The following CENPC variants were observed in gnomAD, a reference collection of about 807,000 sequenced individuals.
CENPC encodes the protein centromere protein C.
In CENPC, 63 loss-of-function variants were observed where a neutral mutation model predicts 112.1. The observed-to-expected ratio is 0.56, with a 90% CI of 0.46 to 0.69. The LOEUF (loss-of-function observed/expected upper bound fraction) is 0.69. CENPC is among the 30% of genes least tolerant of loss of function. The pLI is 0.00. For synonymous variants in CENPC, 333 were observed against 367.6 expected (o/e 0.91, Z 1.08); for missense variants, 1,000 against 1,103.8 (o/e 0.91, Z 1.33).
At chr4:67,486,678 C>G (rs1284201223) in intron 17 of CENPC, among the ~76,000 whole-genome samples, 4 of 152,156 alleles carry the variant, frequency 2.6e-5, no homozygotes, top group Non-Finnish European at 4.4e-5. Flanking sequence ...CTTACAGGGC[C>G]TTACCTACAG....
chr4:67,485,386 A>G (rs922072072), intron 17 of CENPC, among the ~76,000 whole-genome samples: 1 of 152,188 alleles, frequency 6.6e-6, no homozygotes, highest in Non-Finnish European at 1.5e-5. Flanking sequence ...ACTAAAATAA[A>G]CAGCATAAGG....
intron 5 of CENPC, among the ~76,000 whole-genome samples, chr4:67,526,266 T>C (rs355492): frequency 0.63 from 95,639 of 151,630 alleles, 30,397 homozygotes; most frequent in East Asian, 0.81. Flanking sequence ...AGCAAACCAC[T>C]ATGGCACAGG....
intron 4 of CENPC, among the ~76,000 whole-genome samples, chr4:67,539,600 G>A (rs1342082330): frequency 6.6e-6 from 1 of 152,058 alleles, no homozygotes; most frequent in Non-Finnish European, 1.5e-5. Flanking sequence ...ATTATTTTAG[G>A]AGAAGTGAAA....
intron 4 of CENPC, among the ~76,000 whole-genome samples, chr4:67,537,532 C>G (rs1336165178): frequency 6.6e-6 from 1 of 152,176 alleles, no homozygotes; most frequent in South Asian, 2.1e-4. Flanking sequence ...GTGGCTCACA[C>G]CTGTAATCCC....
chr4:67,507,058 G>T, intron 10 of CENPC, 124 bp from the exon 11 acceptor site: 1 of 633,456 alleles, frequency 1.6e-6, no homozygotes, highest in Non-Finnish European at 2.5e-6. Context: ...AGATCACCCT[G>T]TTCAGGTTCT....
rs529343460 is a variant in CENPC, at chr4:67,539,632, A to T, written c.231+208T>A. On this transcript the variant is annotated intron_variant, in intron 4 of 18. Coordinates refer to ENST00000273853, the MANE Select transcript of CENPC (RefSeq NM_001812.4). ...GAAAAATGTTTATTATAATTTGATA[A>T]TTCTAATTCCCATAATCCCAATTCC... Among the ~76,000 whole-genome samples the T allele has an allele frequency of 3.1e-4, 47 of 152,298 alleles. No individual in the cohort carries two copies. The South Asian group carries it at 9.3e-3, about 30-fold the overall frequency.
At position 67,527,493 on chromosome 4, in the gene CENPC, C is replaced by CTTTT. The variant is rs11317672; in HGVS notation, c.331+3318_331+3321dup. Among the ~76,000 whole-genome samples, 18 of 68,116 alleles carry CTTTT rather than the reference C, an allele frequency of 2.6e-4. 1 individual carries two copies. The highest frequency in any genetic ancestry group is 3.6e-4 in the Non-Finnish European group (14 of 38,988). The allele number at this position is 68,116 out of a possible 152,430, so 44.7% of individuals were successfully genotyped here. On this transcript the variant is annotated intron_variant, in intron 5 of 18. Coordinates refer to ENST00000273853, the MANE Select transcript of CENPC (RefSeq NM_001812.4). Reference sequence around the variant, plus strand: ...ACAACGCTAGAATTTTCACCCCATCCTTTTTTTTTTTTTTTTTTTTTTTTT... The same window carrying CTTTT: ...ACAACGCTAGAATTTTCACCCCATCCTTTTTTTTTTTTTTTTTTTTTTTTTTTTT...
chr4:67,519,554 A>C, intron 5 of CENPC, 52 bp from the exon 6 acceptor site: 1 of 1,199,186 alleles, frequency 8.3e-7, no homozygotes, highest in Non-Finnish European at 1.1e-6. Context: ...TAATAAGAGA[A>C]TCAAGCAGGC....
At chr4:67,506,612 G>A (rs1725739306) in intron 11 of CENPC, among the ~76,000 whole-genome samples, 176 bp downstream of exon 11, 1 of 152,144 alleles carries the variant, frequency 6.6e-6, no homozygotes, top group Non-Finnish European at 1.5e-5. Context: ...TACCTCCTGA[G>A]AATATCCGAG....
Position 67,508,853 on chromosome 4 carries a change from T to C in CENPC, c.1865A>G (p.Glu622Gly). ...CSLSEPLESD[E>G]ADLAKKKNLD... ...ATTTTTCTTCTTAGCCAAGTCTGCC[T>C]CATCACTTTCCAATGGCTCACTCAG... The change falls in exon 10 of 19, where the codon GAG (glutamate) becomes GGG (glycine). Residue 622 changes from glutamate (E) to glycine (G), a missense_variant. By Grantham distance (98) the Glu-to-Gly change is moderately conservative (BLOSUM62 -2). Coordinates refer to ENST00000273853, the MANE Select transcript of CENPC (RefSeq NM_001812.4). The C allele has an allele frequency of 1.2e-6, 2 of 1,613,556 alleles. No individual in the cohort carries two copies. Among genetic ancestry groups the C allele is most frequent in the Non-Finnish European group, 1.7e-6 (2 of 1,179,690 alleles).
rs1416271352 is a variant in CENPC at position 67,514,477 on chromosome 4, T to C, written c.1041A>G (p.Arg347=). 1 of 1,613,510 alleles carries C rather than the reference T, an allele frequency of 6.2e-7. No individual in the cohort carries two copies. The highest frequency in any genetic ancestry group is 8.5e-7 in the Non-Finnish European group (1 of 1,179,828). Residue 347 remains arginine, a synonymous_variant, in exon 8 of 19, where the codon AGA becomes AGG. Coordinates refer to ENST00000273853, the MANE Select transcript of CENPC (RefSeq NM_001812.4). ...STALLQGRKS[R]EKHHNILPKT... ...TAGGTAATATATTATGATGCTTTTC[T>C]CTTGACTTTCTACCTTGAAGGAGTG...
rs1313696680 is a variant in CENPC at position 67,539,878 on chromosome 4, T to C, written c.193A>G (p.Lys65Glu). ...STKSVPNSTR[K>E]IKDTCIQSPS... is the part of the protein sequence containing the mutation. ...GACTGAATACAAGTGTCTTTTATTT[T>C]GCGTGTTGAATTAGGCACTGATTTT... Residue 65 changes from lysine to glutamate, a missense_variant, in exon 4 of 19, where the codon AAA becomes GAA. Transcript: ENST00000273853. 6.5e-6 allele frequency: 10 copies of C among 1,536,684 alleles called. No homozygotes were observed. Among genetic ancestry groups the C allele is most frequent in the Non-Finnish European group, 8.7e-6 (10 of 1,143,718 alleles).
At position 67,468,824 on chromosome 4, in the gene CENPC, T is replaced by C. The variant is rs1216676353; in HGVS notation, c.*3781A>G. ...GTCATCCATACTAGAGAATACCACT[T>C]AGCAATAAAAAAGAAATGAGCTATT... On this transcript the variant is annotated 3_prime_UTR_variant, in exon 19 of 19. Transcript: ENST00000273853. 6.6e-6 allele frequency: 1 copy of C among 152,210 alleles called. No individual in the cohort carries two copies. Among genetic ancestry groups the C allele is most frequent in the South Asian group, 2.1e-4 (1 of 4,834 alleles). 9.4% of individuals were successfully genotyped at this position (152,210 alleles called of 1,614,324 possible).
chr4:67,498,200 A>C (rs1360362132), intron 12 of CENPC, among the ~76,000 whole-genome samples: 1 of 152,130 alleles, frequency 6.6e-6, no homozygotes, highest in African/African-American at 2.4e-5. Flanking sequence ...ACACCACTGC[A>C]CTCCAGCCTG....
intron 17 of CENPC, among the ~76,000 whole-genome samples, chr4:67,484,466 C>T (rs558727265): frequency 4.6e-5 from 7 of 152,288 alleles, no homozygotes; most frequent in Non-Finnish European, 7.4e-5. Flanking sequence ...GTAAGCAGCA[C>T]GCCAGTGAGT....
intron 17 of CENPC, among the ~76,000 whole-genome samples, chr4:67,475,992 A>G (rs1724794970): frequency 1.3e-5 from 2 of 152,214 alleles, no homozygotes. Flanking sequence ...TAAGGTTACA[A>G]TGGCATTTAA....
chr4:67,494,480 T>G lies in CENPC; in HGVS notation c.2186-492A>C, dbSNP rs192042403. ...CATCATTTCACCCCAAGACAAGCAT[T>G]AAGTATTGAGAGGTATAGCAGTCTC... is the stretch of plus-strand genomic sequence containing the variant. On this transcript the variant is annotated intron_variant, in intron 13 of 18. Coordinates refer to ENST00000273853, the MANE Select transcript of CENPC (RefSeq NM_001812.4). Among the ~76,000 whole-genome samples the G allele has an allele frequency of 3.0e-4, 46 of 152,236 alleles. No homozygotes were observed. In the East Asian group the frequency reaches 5.6e-3, roughly 19 times the overall value.
intron 4 of CENPC, among the ~76,000 whole-genome samples, chr4:67,537,319 T>A (rs1303695895): frequency 6.6e-6 from 1 of 152,180 alleles, no homozygotes; most frequent in Non-Finnish European, 1.5e-5. Flanking sequence ...TTCAATGAAA[T>A]ATACACGCAA....
At position 67,523,510 on chromosome 4, in the gene CENPC, G is replaced by A. The variant is rs559079277; in HGVS notation, c.332-4008C>T. 3.9e-5 allele frequency among the ~76,000 whole-genome samples: 6 copies of A among 152,234 alleles called. No individual in the cohort carries two copies. The South Asian group carries it at 1.2e-3, about 32-fold the overall frequency. ...CGCCCAGTTTCTCATTCATGTAATG[G>A]GAGTTTACAGATAAGCAAGAGGAGG... On this transcript the variant is annotated intron_variant, in intron 5 of 18. Transcript: ENST00000273853.
Sources: gnomAD v4.1 joint callset for allele counts (sites outside exome capture counted in the v4.1 genomes callset) on GRCh38, gnomAD v4.1.1 for gene constraint, MANE v1.5 for transcripts, NCBI Gene and HGNC (gene_info 2026-07-23, HGNC 2026-07-21) for gene names.